Variants in IGF1R observed in about 807,000 individuals in gnomAD.
IGF1R encodes the protein insulin like growth factor 1 receptor, also known as insulin-like growth factor 1 receptor.
In IGF1R, 44 loss-of-function variants were observed where a neutral mutation model predicts 144.6. That is an observed-to-expected ratio of 0.30 (90% CI 0.24 to 0.39). The LOEUF is 0.39. IGF1R is among the 10% of genes least tolerant of loss of function. IGF1R has a pLI of 1.00. For synonymous variants in IGF1R, 795 were observed against 722.8 expected, an observed-to-expected ratio of 1.10 and a Z score of -1.60; for missense variants, 1,355 against 1,833.7, an observed-to-expected ratio of 0.74 and a Z score of 4.77.
At chr15:98,821,896 T>G (rs904859035) in intron 2 of IGF1R, among the ~76,000 whole-genome samples, 2 of 152,216 alleles carry the variant, frequency 1.3e-5, no homozygotes, top group Non-Finnish European at 2.9e-5. Context: ...TGTATATTCA[T>G]GATGGCTTCT....
chr15:98,796,735 A>C (rs2056251420), intron 2 of IGF1R, among the ~76,000 whole-genome samples: 1 of 152,216 alleles, frequency 6.6e-6, no homozygotes, highest in Non-Finnish European at 1.5e-5. Flanking sequence ...ATACATACAC[A>C]CAGGCATGCA....
chr15:98,712,866 T>A (rs905404784), intron 2 of IGF1R, among the ~76,000 whole-genome samples: 2 of 150,032 alleles, frequency 1.3e-5, no homozygotes, highest in African/African-American at 4.9e-5. Context: ...GGTCTTGGCC[T>A]CCCAATGTGC....
chr15:98,699,823 A>G (rs1034598215), intron 1 of IGF1R, among the ~76,000 whole-genome samples: 2 of 152,208 alleles, frequency 1.3e-5, no homozygotes, highest in Non-Finnish European at 2.9e-5. Context: ...GCTCTGCGGC[A>G]GTAAAACAGT....
At chr15:98,834,447 A>G (rs2057057685) in intron 2 of IGF1R, among the ~76,000 whole-genome samples, 2 of 152,250 alleles carry the variant, frequency 1.3e-5, no homozygotes, top group Admixed American at 1.3e-4. Context: ...CCAAAGGGTC[A>G]GATTCTGGTA....
At chr15:98,785,281 G>GA (rs1183647137) in intron 2 of IGF1R, among the ~76,000 whole-genome samples, 3 of 152,112 alleles carry the variant, frequency 2.0e-5, no homozygotes, top group African/African-American at 7.2e-5. Flanking sequence ...TTTGTACCAA[G>GA]AACTAATTGT....
At chr15:98,821,692 A>G (rs1349540476) in intron 2 of IGF1R, among the ~76,000 whole-genome samples, 1 of 152,248 alleles carries the variant, frequency 6.6e-6, no homozygotes, top group African/African-American at 2.4e-5. Context: ...AGAATGGGAC[A>G]GCTTTATTCA....
intron 3 of IGF1R, among the ~76,000 whole-genome samples, chr15:98,894,594 A>T (rs2014085602): frequency 6.6e-6 from 1 of 152,216 alleles, no homozygotes; most frequent in African/African-American, 2.4e-5. Context: ...AATTCCATTT[A>T]TGCAACATCC....
At chr15:98,851,485 C>T (rs182538962) in intron 2 of IGF1R, among the ~76,000 whole-genome samples, 8 of 152,292 alleles carry the variant, frequency 5.3e-5, no homozygotes, top group African/African-American at 1.9e-4. Context: ...CTCCCCCTCC[C>T]CGTGGCCTTC....
At chr15:98,918,213 A>G (rs72752866) in intron 10 of IGF1R, among the ~76,000 whole-genome samples, 17,901 of 152,046 alleles carry the variant, frequency 0.12, 1,733 homozygotes, top group East Asian at 0.31. Flanking sequence ...TTGGATTTAA[A>G]TCAGCATGGC....
rs539774290 is a variant in IGF1R at position 98,828,725 on chromosome 15, A to G, written c.641-62600A>G. 4.6e-5 allele frequency among the ~76,000 whole-genome samples: 7 copies of G among 151,708 alleles called. No homozygotes were observed. The South Asian group carries it at 1.5e-3, about 32-fold the overall frequency. ...ACTTACTATTTAAAGGAATCCTGAA[A>G]CGAATATTTTTCTGATACATATTTA... On this transcript the variant is annotated intron_variant, in intron 2 of 20. Coordinates refer to ENST00000650285, the MANE Select transcript of IGF1R (RefSeq NM_000875.5).
chr15:98,717,004 G>C (rs1021825343), intron 2 of IGF1R, among the ~76,000 whole-genome samples: 1 of 152,166 alleles, frequency 6.6e-6, no homozygotes, highest in African/African-American at 2.4e-5. Context: ...GGATGTTTAG[G>C]TGGCTCCACA....
At position 98,964,107 on chromosome 15, in the gene IGF1R, C is replaced by G. The variant is rs1161011550; in HGVS notation, c.*6665C>G. 3 of 233,010 alleles carry G rather than the reference C, an allele frequency of 1.3e-5. No individual in the cohort carries two copies. The highest frequency in any genetic ancestry group is 4.4e-5 in the African/African-American group (2 of 45,266). 14.4% of individuals were successfully genotyped at this position (233,010 alleles called of 1,614,324 possible). On this transcript the variant is annotated 3_prime_UTR_variant, in exon 21 of 21. Coordinates refer to ENST00000650285, the MANE Select transcript of IGF1R (RefSeq NM_000875.5). ...GAGAGGTTTGCCAGAGTTTGTCTAC[C>G]TCTGGGTATCCCTTTGTCTGGGATA... is the stretch of plus-strand genomic sequence containing the variant.
intron 1 of IGF1R, among the ~76,000 whole-genome samples, chr15:98,688,075 GT>G (rs2053375256): frequency 6.6e-6 from 1 of 152,196 alleles, no homozygotes; most frequent in Non-Finnish European, 1.5e-5. Flanking sequence ...TTGAGTCCCA[GT>G]GATTGAGGCC....
chr15:98,869,024 G>A (rs2012623292), intron 2 of IGF1R, among the ~76,000 whole-genome samples: 1 of 152,144 alleles, frequency 6.6e-6, no homozygotes, highest in Admixed American at 6.6e-5. Flanking sequence ...GCAAAGAAAT[G>A]CAGCCAGAGG....
At chr15:98,772,347 T>C (rs985877200) in intron 2 of IGF1R, among the ~76,000 whole-genome samples, 3 of 151,976 alleles carry the variant, frequency 2.0e-5, no homozygotes, top group Admixed American at 6.6e-5. Context: ...ACTGTTGTTT[T>C]CAAATTGAGT....
At position 98,856,646 on chromosome 15, in the gene IGF1R, A is replaced by G. The variant is rs187336775; in HGVS notation, c.641-34679A>G. On this transcript the variant is annotated intron_variant, in intron 2 of 20. Coordinates refer to ENST00000650285, the MANE Select transcript of IGF1R (RefSeq NM_000875.5). Reference sequence around the variant, plus strand: ...GAAAATAAAGGGTGGATTGCTATCCAAATATAAAGAATTGGAACCAGGCTC... The same window carrying G: ...GAAAATAAAGGGTGGATTGCTATCCGAATATAAAGAATTGGAACCAGGCTC... Among the ~76,000 whole-genome samples, 5 of 152,388 alleles carry G rather than the reference A, an allele frequency of 3.3e-5. No homozygotes were observed. The East Asian group carries it at 9.6e-4, about 29-fold the overall frequency.
chr15:98,752,700 A>T (rs1426822351), intron 2 of IGF1R, among the ~76,000 whole-genome samples: 1 of 148,004 alleles, frequency 6.8e-6, no homozygotes, highest in Non-Finnish European at 1.5e-5. Flanking sequence ...AAAAAAAAAG[A>T]AAGTATGTGA....
chr15:98,650,943 C>T (rs1010688037), intron 1 of IGF1R: 2 of 984,970 alleles, frequency 2.0e-6, no homozygotes, highest in South Asian at 9.4e-5. Flanking sequence ...TGTCTACGGC[C>T]GGAGGAGGTG....
chr15:98,658,912 C>T (rs1238630253), intron 1 of IGF1R, among the ~76,000 whole-genome samples: 1 of 152,200 alleles, frequency 6.6e-6, no homozygotes, highest in Non-Finnish European at 1.5e-5. Flanking sequence ...GCCTCAGTTT[C>T]CTCATCTGTG....
Sources: allele counts gnomAD v4.1 joint callset (sites outside exome capture counted in the v4.1 genomes callset), GRCh38; gene constraint gnomAD v4.1.1; transcripts MANE v1.5; gene names NCBI Gene and HGNC (gene_info 2026-07-23, HGNC 2026-07-21).